CBX1: variants seen among roughly 807,000 people sequenced by gnomAD.
CBX1 encodes chromobox 1.
In CBX1, 10 loss-of-function variants were observed where a neutral mutation model predicts 25.1. The observed-to-expected ratio is 0.40, with a 90% CI of 0.25 to 0.68. The LOEUF (loss-of-function observed/expected upper bound fraction) is 0.68. Ranked by LOEUF, CBX1 falls within the 30% of genes least tolerant of loss-of-function variation. The pLI is 0.40. For synonymous variants in CBX1, 63 were observed against 79.4 expected (o/e 0.79, Z 1.10); for missense variants, 106 against 218.5 (o/e 0.49, Z 3.25).
At position 48,100,137 on chromosome 17, in the gene CBX1, C is replaced by CAAAAAA. The variant is rs543123998; in HGVS notation, c.-38+1125_-38+1130dup. ...CTGGGCAACAGAGGAAGACTCTTCT[C>CAAAAAA]AAAAAAAAAAAAAAAAAGAGGTAAA... On this transcript the variant is annotated intron_variant, in intron 1 of 4. Transcript: ENST00000225603. Among the ~76,000 whole-genome samples the CAAAAAA allele has an allele frequency of 1.5e-3, 85 of 56,888 alleles. 1 individual carries two copies. The highest frequency in any genetic ancestry group is 3.9e-3 in the African/African-American group (66 of 16,892). 37.3% of individuals were successfully genotyped at this position (56,888 alleles called of 152,430 possible).
chr17:48,073,421 T>C (rs2037644392), intron 4 of CBX1, among the ~76,000 whole-genome samples: 1 of 152,130 alleles, frequency 6.6e-6, no homozygotes, highest in Non-Finnish European at 1.5e-5. Context: ...GTCATTTCAC[T>C]CCCCAGAAAT....
At chr17:48,076,389 C>CCACA (rs2037674861) in intron 2 of CBX1, among the ~76,000 whole-genome samples, 1 of 152,178 alleles carries the variant, frequency 6.6e-6, no homozygotes, top group South Asian at 2.1e-4. Flanking sequence ...TGGTCTGTAG[C>CCACA]CACACACAAA....
intron 1 of CBX1, among the ~76,000 whole-genome samples, chr17:48,089,647 G>A (rs28375434): frequency 1 from 108,086 of 108,390 alleles, 53,891 homozygotes; most frequent in East Asian, 1. Flanking sequence ...TACATGGTGA[G>A]AGCCCATCCC....
chr17:48,077,445 G>GTTTTTT lies in CBX1; in HGVS notation c.-37-410_-37-405dup, dbSNP rs796350669. 6.6e-3 allele frequency among the ~76,000 whole-genome samples: 344 copies of GTTTTTT among 52,330 alleles called. 12 individuals carry two copies. The highest frequency in any genetic ancestry group is 0.011 in the South Asian group (10 of 918). The allele number at this position is 52,330 out of a possible 152,430, so 34.3% of individuals were successfully genotyped here. ...GCTAATTTTTGTTGTTTTTTTTTTTGTTTTTTTTGTTTTTTTTTTTTTAGT... is the reference window on the plus strand; with the variant it reads ...GCTAATTTTTGTTGTTTTTTTTTTTGTTTTTTTTTTTTTTGTTTTTTTTTTTTTAGT... On this transcript the variant is annotated intron_variant, in intron 1 of 4. Coordinates refer to ENST00000225603, the MANE Select transcript of CBX1 (RefSeq NM_001127228.2).
intron 1 of CBX1, among the ~76,000 whole-genome samples, chr17:48,077,767 A>G (rs991850859): frequency 1.3e-5 from 2 of 152,128 alleles, no homozygotes; most frequent in African/African-American, 4.8e-5. Flanking sequence ...GAATTCCTGA[A>G]GCCCAGTAGT....
chr17:48,086,317 A>C (rs1268991698), intron 1 of CBX1, among the ~76,000 whole-genome samples: 1 of 152,218 alleles, frequency 6.6e-6, no homozygotes, highest in Non-Finnish European at 1.5e-5. Flanking sequence ...TAGGCATTTC[A>C]TTTTGGTTTG....
intron 1 of CBX1, among the ~76,000 whole-genome samples, chr17:48,077,506 T>A (rs1471699859): frequency 6.7e-6 from 1 of 148,670 alleles, no homozygotes; most frequent in Admixed American, 6.7e-5. Flanking sequence ...GCCAGGTTGG[T>A]CTCGAACTCC....
rs567787810 is a variant in CBX1 at position 48,100,883 on chromosome 17, T to G, written c.-38+385A>C. ...GAATACAGTTACAAACCTCGGGTTG[T>G]GCGGTCGTATGCGCCTCCTCACGCC... On this transcript the variant is annotated intron_variant, in intron 1 of 4. Coordinates refer to ENST00000225603, the MANE Select transcript of CBX1 (RefSeq NM_001127228.2). 84 of 985,690 alleles carry G rather than the reference T, an allele frequency of 8.5e-5. No homozygotes were observed. The South Asian group carries it at 3.5e-3, about 41-fold the overall frequency. The allele number at this position is 985,690 out of a possible 1,614,324, so 61.1% of individuals were successfully genotyped here.
Position 48,101,327 on chromosome 17 carries a change from C to G in CBX1, c.-97G>C. On this transcript the variant is annotated 5_prime_UTR_variant, in exon 1 of 5. Coordinates refer to ENST00000225603, the MANE Select transcript of CBX1 (RefSeq NM_001127228.2). The stretch of plus-strand genomic sequence containing the variant: ...GTGCTGCGCTGCTGGCGCGTCGCGT[C>G]GGGTCGCCTGGGGGAGTGGCGCCCA... 2.0e-6 allele frequency: 2 copies of G among 986,170 alleles called. No homozygotes were observed. The highest frequency in any genetic ancestry group is 4.6e-5 in the South Asian group (1 of 21,896). 61.1% of individuals were successfully genotyped at this position (986,170 alleles called of 1,614,324 possible).
At chr17:48,089,865 GAGTAA>G (rs1336688548) in intron 1 of CBX1, among the ~76,000 whole-genome samples, 1 of 151,510 alleles carries the variant, frequency 6.6e-6, no homozygotes, top group Non-Finnish European at 1.5e-5. Context: ...ACCTTCCAAG[GAGTAA>G]AGAAAGGAAG....
At chr17:48,097,240 G>A (rs1567771138) in intron 1 of CBX1, among the ~76,000 whole-genome samples, 1 of 148,060 alleles carries the variant, frequency 6.8e-6, no homozygotes, top group Non-Finnish European at 1.5e-5. Flanking sequence ...GGCAACAAGA[G>A]CGAAACTCCG....
chr17:48,073,824 CAAAAAAAAAA>C (rs60857566), intron 4 of CBX1, among the ~76,000 whole-genome samples: 4 of 82,500 alleles, frequency 4.8e-5, no homozygotes, highest in African/African-American at 2.3e-4. Context: ...GAGACTGTCT[CAAAAAAAAAA>C]AAAAAAAAAA....
Position 48,089,412 on chromosome 17 carries a change from T to G in CBX1, c.-38+11856A>C, listed in dbSNP as rs576779888. ...CACCGCGCCTGGCCAGGCATCTGCA[T>G]CTTTCAAAGCTCCACAGGTGATTTT... is the stretch of plus-strand genomic sequence containing the variant. On this transcript the variant is annotated intron_variant, in intron 1 of 4. Transcript: ENST00000225603. Among the ~76,000 whole-genome samples, 74 of 151,014 alleles carry G rather than the reference T, an allele frequency of 4.9e-4. 1 individual carries two copies. Among genetic ancestry groups the G allele is most frequent in the African/African-American group, 1.6e-3 (67 of 41,228 alleles).
Position 48,082,513 on chromosome 17 carries a change from A to C in CBX1, c.-37-5472T>G, listed in dbSNP as rs865891689. On this transcript the variant is annotated intron_variant, in intron 1 of 4. Coordinates refer to ENST00000225603, the MANE Select transcript of CBX1 (RefSeq NM_001127228.2). ...CGAGACTCCATCTCAAAAAAAAAAA[A>C]AAAAAAAAAAAAGGAAAAATGATCT... Among the ~76,000 whole-genome samples, 230 of 143,204 alleles carry C rather than the reference A, an allele frequency of 1.6e-3. 2 individuals carry two copies. Among genetic ancestry groups the C allele is most frequent in the African/African-American group, 6.3e-3 (214 of 33,994 alleles). 93.9% of individuals were successfully genotyped at this position (143,204 alleles called of 152,430 possible).
chr17:48,071,607 G>A, intron 4 of CBX1, 28 bp from the exon 5 acceptor site: 5 of 1,569,364 alleles, frequency 3.2e-6, no homozygotes, highest in Non-Finnish European at 3.5e-6. Flanking sequence ...GAGAGACTTT[G>A]AGACCAGGTG....
chr17:48,076,193 C>A lies in CBX1; in HGVS notation c.141-15G>T. 6.6e-7 allele frequency: 1 copy of A among 1,524,242 alleles called. No homozygotes were observed. The highest frequency in any genetic ancestry group is 8.9e-7 in the Non-Finnish European group (1 of 1,123,546). The allele number at this position is 1,524,242 out of a possible 1,614,324, so 94.4% of individuals were successfully genotyped here. The stretch of plus-strand genomic sequence containing the variant: ...TGTTGTCCTCACTGAAACCAGAGGG[C>A]ACAGCAAGTCACACTTTCACTCAAA... On this transcript the variant is annotated splice_polypyrimidine_tract_variant and intron_variant, in intron 2 of 4. Transcript: ENST00000225603.
chr17:48,075,352 G>A (rs982103089), intron 3 of CBX1, among the ~76,000 whole-genome samples: 4 of 133,498 alleles, frequency 3.0e-5, no homozygotes, highest in Admixed American at 7.1e-5. Flanking sequence ...ATGCCACCAC[G>A]TCAGCTAATT....
chr17:48,076,219 TA>T, intron 2 of CBX1, 41 bp from the exon 3 acceptor site: 1 of 1,439,420 alleles, frequency 6.9e-7, no homozygotes, highest in African/African-American at 1.4e-5. Flanking sequence ...TTCACTCAAA[TA>T]AGTATACTCA....
chr17:48,100,659 C>T, intron 1 of CBX1: 1 of 901,042 alleles, frequency 1.1e-6, no homozygotes, highest in Non-Finnish European at 1.3e-6. Context: ...AACAGCTCCT[C>T]CCCTTCCAGA....
Sources: gnomAD v4.1 joint callset for allele counts (sites outside exome capture counted in the v4.1 genomes callset) on GRCh38, gnomAD v4.1.1 for gene constraint, MANE v1.5 for transcripts, NCBI Gene and HGNC (gene_info 2026-07-23, HGNC 2026-07-21) for gene names.